Variants in TRPM3 observed in about 807,000 individuals in gnomAD.
The protein encoded by TRPM3 is long transient receptor potential channel 3.
A neutral mutation model predicts 181.2 loss-of-function variants in TRPM3; 77 were observed. The ratio of observed to expected loss-of-function variants is 0.42; its 90% CI spans 0.35 to 0.51. The LOEUF is 0.51. TRPM3 is among the 20% of genes least tolerant of loss of function. TRPM3 has a pLI of 0.01. For missense variants in TRPM3, 1,759 were observed against 2,196.7 expected (o/e 0.80, Z 3.98); for synonymous variants, 745 against 796.4 (o/e 0.94, Z 1.09).
chr9:71,166,787 T>C (rs1014708337), intron 1 of TRPM3, among the ~76,000 whole-genome samples: 2 of 152,246 alleles, frequency 1.3e-5, no homozygotes, highest in African/African-American at 4.8e-5. Context: ...TATCTTTGAT[T>C]ACGTAAAAGT....
intron 1 of TRPM3, among the ~76,000 whole-genome samples, chr9:70,992,735 C>T (rs1416791504): frequency 6.6e-6 from 1 of 152,098 alleles, no homozygotes; most frequent in Non-Finnish European, 1.5e-5. Flanking sequence ...ATTGACAAAG[C>T]TATTCTAGAG....
intron 19 of TRPM3, among the ~76,000 whole-genome samples, chr9:70,607,216 T>G (rs2061318025): frequency 6.6e-6 from 1 of 152,178 alleles, no homozygotes; most frequent in Non-Finnish European, 1.5e-5. Context: ...GTGTCCTACC[T>G]TTCAGAAACT....
At chr9:71,377,778 T>C (rs1029819294) in intron 1 of TRPM3, among the ~76,000 whole-genome samples, 3 of 152,064 alleles carry the variant, frequency 2.0e-5, no homozygotes, top group Non-Finnish European at 4.4e-5. Context: ...AAATAGGACA[T>C]TAGCTTCCCA....
intron 1 of TRPM3, among the ~76,000 whole-genome samples, chr9:71,277,686 C>A (rs377558643): frequency 6.6e-6 from 1 of 152,216 alleles, no homozygotes; most frequent in African/African-American, 2.4e-5. Flanking sequence ...AAAATGTCTG[C>A]GGTCCAATAT....
intron 1 of TRPM3, among the ~76,000 whole-genome samples, chr9:71,144,639 C>CT (rs989531102): frequency 6.6e-6 from 1 of 152,102 alleles, no homozygotes; most frequent in African/African-American, 2.4e-5. Flanking sequence ...GAACATTACT[C>CT]TGTGTTATAT....
chr9:70,814,623 CT>C (rs1339706080), intron 6 of TRPM3, among the ~76,000 whole-genome samples: 3 of 152,152 alleles, frequency 2.0e-5, no homozygotes, highest in Admixed American at 6.5e-5. Flanking sequence ...ACTGTTCTCT[CT>C]AATGTCCTTA....
At chr9:71,226,261 G>GA (rs1399896594) in intron 1 of TRPM3, among the ~76,000 whole-genome samples, 2 of 151,654 alleles carry the variant, frequency 1.3e-5, no homozygotes, top group African/African-American at 4.8e-5. Context: ...AGATGGAAAG[G>GA]AAAAAAGAAG....
intron 1 of TRPM3, among the ~76,000 whole-genome samples, chr9:70,964,572 C>T (rs1267183633): frequency 1.3e-5 from 2 of 152,060 alleles, no homozygotes; most frequent in Non-Finnish European, 2.9e-5. Flanking sequence ...AATCTACAAT[C>T]CCCGTGGTTG....
At chr9:71,372,024 T>C (rs199940475) in intron 1 of TRPM3, among the ~76,000 whole-genome samples, 1 of 152,140 alleles carries the variant, frequency 6.6e-6, no homozygotes, top group African/African-American at 2.4e-5. Context: ...TTCCCTGCCA[T>C]GTGTCCATGT....
intron 8 of TRPM3, among the ~76,000 whole-genome samples, chr9:70,702,037 T>C (rs2072729751): frequency 1.7e-5 from 2 of 117,770 alleles, no homozygotes; most frequent in South Asian, 6.7e-4. Context: ...GGGGAATGAG[T>C]GAAAGCCTCA....
intron 1 of TRPM3, among the ~76,000 whole-genome samples, chr9:70,867,980 A>C (rs2095689062): frequency 6.6e-6 from 1 of 152,096 alleles, no homozygotes; most frequent in South Asian, 2.1e-4. Flanking sequence ...CCTCATTGTT[A>C]GAAAGCATGA....
chr9:70,553,671 A>T (rs1478599358), intron 22 of TRPM3, among the ~76,000 whole-genome samples: 1 of 152,222 alleles, frequency 6.6e-6, no homozygotes, highest in Non-Finnish European at 1.5e-5. Context: ...CAGGGAGAAG[A>T]AAGTCCCACC....
chr9:71,108,839 A>C (rs1383694630), intron 1 of TRPM3, among the ~76,000 whole-genome samples: 1 of 152,178 alleles, frequency 6.6e-6, no homozygotes, highest in Non-Finnish European at 1.5e-5. Context: ...TATCTATGTG[A>C]TAGTTAATGT....
intron 1 of TRPM3, among the ~76,000 whole-genome samples, chr9:71,335,483 A>G (rs763255897): frequency 2.8e-4 from 42 of 152,134 alleles, no homozygotes; most frequent in South Asian, 1.4e-3. Context: ...TAATCTTCCT[A>G]TGTGACTTAT....
At chr9:70,748,801 T>C (rs1182880160) in intron 8 of TRPM3, among the ~76,000 whole-genome samples, 8 of 152,180 alleles carry the variant, frequency 5.3e-5, no homozygotes, top group Non-Finnish European at 1.0e-4. Context: ...GATTATGGTA[T>C]TTCATTATAG....
chr9:71,388,564 C>T (rs2092983888), intron 1 of TRPM3, among the ~76,000 whole-genome samples: 1 of 152,078 alleles, frequency 6.6e-6, no homozygotes, highest in African/African-American at 2.4e-5. Flanking sequence ...AACACTGAAG[C>T]AGAATTAATC....
intron 1 of TRPM3, among the ~76,000 whole-genome samples, chr9:71,087,472 A>T (rs1303073923): frequency 1.3e-5 from 2 of 151,992 alleles, no homozygotes; most frequent in East Asian, 1.9e-4. Context: ...TTTTATTTTT[A>T]AAAAATTATT....
intron 1 of TRPM3, among the ~76,000 whole-genome samples, chr9:71,385,014 C>A (rs890785131): frequency 6.6e-6 from 1 of 152,144 alleles, no homozygotes; most frequent in African/African-American, 2.4e-5. Flanking sequence ...GTTGCATCTT[C>A]TGAGATACCT....
At position 70,536,400 on chromosome 9, in the gene TRPM3, A is replaced by G. The variant is rs757348035; in HGVS notation, c.4713T>C (p.Pro1571=). ...AGGCAGCTCTGTCCGCAATTGCTTG[A>G]GGGGCATTGACACACCTTGTGTCAA... The part of the protein sequence containing the change: ...DCIDTRCVNA[P]QAIADRAAFP... Residue 1571 remains proline (P), a synonymous_variant, in exon 26 of 26, where the codon CCT becomes CCC. Coordinates refer to ENST00000677713, the MANE Select transcript of TRPM3 (RefSeq NM_001366145.2). 1.2e-6 allele frequency: 2 copies of G among 1,614,068 alleles called. No homozygotes were observed. The highest frequency in any genetic ancestry group is 1.7e-6 in the Non-Finnish European group (2 of 1,179,998).
Sources: allele counts gnomAD v4.1 joint callset (sites outside exome capture counted in the v4.1 genomes callset), GRCh38; gene constraint gnomAD v4.1.1; transcripts MANE v1.5; gene names NCBI Gene and HGNC (gene_info 2026-07-23, HGNC 2026-07-21).